Variants in CYP4F8 observed in about 807,000 individuals in gnomAD.
CYP4F8 encodes cytochrome P450 family 4 subfamily F member 8.
CYP4F8 carries 56 observed loss-of-function variants against 55.0 expected under a neutral mutation model. The ratio of observed to expected loss-of-function variants is 1.02; its 90% CI spans 0.82 to 1.27. The LOEUF is 1.27. Ranked by LOEUF, CYP4F8 falls within the 50% of genes most tolerant of loss-of-function variation. CYP4F8 has a pLI of 0.00. For missense variants in CYP4F8, 680 were observed against 682.4 expected, an observed-to-expected ratio of 1.00 and a Z score of 0.04; for synonymous variants, 288 against 267.3, an observed-to-expected ratio of 1.08 and a Z score of -0.76.
rs1972210018 is a variant in CYP4F8, at chr19:15,622,688, A to C, written c.647+348A>C. 6 of 366,942 alleles carry C rather than the reference A, an allele frequency of 1.6e-5. No homozygotes were observed. The East Asian group carries it at 4.1e-4, about 25-fold the overall frequency. The allele number at this position is 366,942 out of a possible 1,614,324, so 22.7% of individuals were successfully genotyped here. A position where few individuals can be genotyped will look rare whatever the true frequency, so the allele number is the denominator to read the frequency against. ...AGATGCATTTTATCCAAGGTTCCTA[A>C]GGAGCCATGGAGGTGTTTGAGCAGA... is the stretch of plus-strand genomic sequence containing the variant. On this transcript the variant is annotated intron_variant, in intron 6 of 12. Coordinates refer to ENST00000612078, the MANE Select transcript of CYP4F8 (RefSeq NM_007253.4).
At chr19:15,619,332 GC>G (rs1568382269) in intron 3 of CYP4F8, 157 bp from the exon 4 acceptor site, 6 of 735,842 alleles carry the variant, frequency 8.2e-6, no homozygotes, top group South Asian at 3.7e-5. Flanking sequence ...TCCCCTTTAT[GC>G]CCCCCACCCT....
intron 1 of CYP4F8, 150 bp from the exon 2 acceptor site, chr19:15,615,466 C>G: frequency 7.4e-6 from 6 of 814,872 alleles, no homozygotes; most frequent in Non-Finnish European, 1.1e-5. Context: ...TGTGTCACTT[C>G]TCCTCTCCCC....
At position 15,628,434 on chromosome 19, in the gene CYP4F8, A is replaced by C; in HGVS notation, c.1248A>C (p.Lys416Asn). ...TCCCAGACAGCCGAGTCATCCCCAA[A>C]GGTGCCCTCCATGGCAGGGGAGGAG... is the stretch of plus-strand genomic sequence containing the variant. ...VVLPDSRVIP[K>N]GNVCNINIFA... The change falls in exon 10 of 13, where the codon AAA (lysine) becomes AAC (asparagine). Residue 416 changes from lysine to asparagine, a missense_variant and splice_region_variant. By Grantham distance (94) the Lys-to-Asn change is moderately conservative (BLOSUM62 0). Transcript: ENST00000612078. 1 of 1,613,970 alleles carries C rather than the reference A, an allele frequency of 6.2e-7. No homozygotes were observed. Among genetic ancestry groups the C allele is most frequent in the Non-Finnish European group, 8.5e-7 (1 of 1,179,942 alleles).
chr19:15,619,631 C>T lies in CYP4F8; in HGVS notation c.398-4C>T. Reference sequence around the variant, plus strand: ...TTGCCCACAGCCTTTGGCTGCCGTACTAGGGGATGGGCTCTTGTTAAGTGT... The same window carrying T: ...TTGCCCACAGCCTTTGGCTGCCGTATTAGGGGATGGGCTCTTGTTAAGTGT... On this transcript the variant is annotated splice_region_variant and splice_polypyrimidine_tract_variant and intron_variant, in intron 4 of 12. Coordinates refer to ENST00000612078, the MANE Select transcript of CYP4F8 (RefSeq NM_007253.4). The T allele has an allele frequency of 6.2e-7, 1 of 1,614,246 alleles. No individual in the cohort carries two copies. The highest frequency in any genetic ancestry group is 8.5e-7 in the Non-Finnish European group (1 of 1,180,032).
intron 9 of CYP4F8, 76 bp downstream of exon 9, chr19:15,624,170 G>A: frequency 6.4e-7 from 1 of 1,565,494 alleles, no homozygotes; most frequent in Non-Finnish European, 8.7e-7. Context: ...CCAGGTGGGG[G>A]AAAAGGGGAG....
At position 15,622,297 on chromosome 19, in the gene CYP4F8, A is replaced by G; in HGVS notation, c.604A>G (p.Ser202Gly). The change falls in exon 6 of 13, where the codon AGT becomes GGT. Residue 202 changes from serine (S) to glycine (G), a missense_variant. Physicochemically the swap from Ser to Gly is moderately conservative, Grantham distance 56 (BLOSUM62 0). Transcript: ENST00000612078. ...FEHISLMTLD[S>G]LQKCIFSFDS... is the part of the protein sequence containing the mutation. ...GCACATCAGCCTTATGACCCTGGAC[A>G]GTCTGCAGAAATGCATCTTCAGCTT... The G allele has an allele frequency of 3.1e-6, 5 of 1,587,412 alleles. No individual in the cohort carries two copies. Among genetic ancestry groups the G allele is most frequent in the Non-Finnish European group, 4.3e-6 (5 of 1,163,830 alleles).
At position 15,629,634 on chromosome 19, in the gene CYP4F8, C is replaced by A. The variant is rs533150605; in HGVS notation, c.*276C>A. 116 of 389,806 alleles carry A rather than the reference C, an allele frequency of 3.0e-4. No homozygotes were observed. Among genetic ancestry groups the A allele is most frequent in the African/African-American group, 1.6e-3 (79 of 48,488 alleles). The allele number at this position is 389,806 out of a possible 1,614,324, so 24.1% of individuals were successfully genotyped here. On this transcript the variant is annotated 3_prime_UTR_variant, in exon 13 of 13. Coordinates refer to ENST00000612078, the MANE Select transcript of CYP4F8 (RefSeq NM_007253.4). ...AGTCTAAGTAAAGACTTTTTCCCCCCCAAAATAATTGTGTATTCTGATATA... is the reference window on the plus strand; with the variant it reads ...AGTCTAAGTAAAGACTTTTTCCCCCACAAAATAATTGTGTATTCTGATATA...
At position 15,628,252 on chromosome 19, in the gene CYP4F8, A is replaced by C. The variant is rs776868201; in HGVS notation, c.1116-50A>C. On this transcript the variant is annotated intron_variant, in intron 9 of 12. Coordinates refer to ENST00000612078, the MANE Select transcript of CYP4F8 (RefSeq NM_007253.4). Reference sequence around the variant, plus strand: ...AGGTGGTGAGAGGGTCTCCAGGGGCAGCAGGAGGGCCGTGTATGCTCTCTG... The same window carrying C: ...AGGTGGTGAGAGGGTCTCCAGGGGCCGCAGGAGGGCCGTGTATGCTCTCTG... 6 of 1,611,836 alleles carry C rather than the reference A, an allele frequency of 3.7e-6. No individual in the cohort carries two copies. The South Asian group carries it at 6.6e-5, about 18-fold the overall frequency.
chr19:15,629,950 A>T lies in CYP4F8; in HGVS notation c.*592A>T, dbSNP rs1972315109. 1 of 150,842 alleles carries T rather than the reference A, an allele frequency of 6.6e-6. No individual in the cohort carries two copies. Among genetic ancestry groups the T allele is most frequent in the Non-Finnish European group, 1.5e-5 (1 of 67,882 alleles). The allele number at this position is 150,842 out of a possible 1,614,324, so 9.3% of individuals were successfully genotyped here. A position where few individuals can be genotyped will look rare whatever the true frequency, so the allele number is the denominator to read the frequency against. On this transcript the variant is annotated 3_prime_UTR_variant, in exon 13 of 13. Transcript: ENST00000612078. ...GGCCGGAGTGCAGTGGCTCACTGCA[A>T]CCTCCACCTCCTGGGTTCAAGTGAT... is the stretch of plus-strand genomic sequence containing the variant.
intron 9 of CYP4F8, chr19:15,627,642 C>T (rs1391860564): frequency 6.6e-6 from 1 of 152,178 alleles, no homozygotes; most frequent in African/African-American, 2.4e-5. Flanking sequence ...GTCATCCCAC[C>T]CTACAGTGTG....
intron 5 of CYP4F8, 49 bp from the exon 6 acceptor site, chr19:15,622,170 C>G (rs1972201935): frequency 3.8e-6 from 6 of 1,579,118 alleles, no homozygotes; most frequent in Non-Finnish European, 3.4e-6. Flanking sequence ...TGCAGGGGGA[C>G]TCAGAGGAGC....
chr19:15,624,536 T>C (rs550437776), intron 9 of CYP4F8, among the ~76,000 whole-genome samples: 1 of 152,356 alleles, frequency 6.6e-6, no homozygotes, highest in African/African-American at 2.4e-5. Context: ...ACATGATGTG[T>C]TGAATATCGG....
At chr19:15,617,482 A>ACATC (rs976024542) in intron 2 of CYP4F8, among the ~76,000 whole-genome samples, 20 of 138,052 alleles carry the variant, frequency 1.4e-4, no homozygotes, top group Non-Finnish European at 2.7e-4. Flanking sequence ...ATCAATATCT[A>ACATC]CATCTATCTA....
intron 9 of CYP4F8, among the ~76,000 whole-genome samples, chr19:15,624,960 T>C (rs1190435601): frequency 6.6e-6 from 1 of 152,156 alleles, no homozygotes; most frequent in Non-Finnish European, 1.5e-5. Context: ...CTTTTTTCTG[T>C]TATGCAAAAT....
intron 5 of CYP4F8, among the ~76,000 whole-genome samples, chr19:15,621,280 G>C (rs757294374): frequency 2.6e-5 from 4 of 152,162 alleles, no homozygotes; most frequent in Non-Finnish European, 4.4e-5. Flanking sequence ...GGTGGCTCAT[G>C]CTTGTAATCC....
At chr19:15,619,458 C>G in intron 3 of CYP4F8, 32 bp from the exon 4 acceptor site, 1 of 1,613,638 alleles carries the variant, frequency 6.2e-7, no homozygotes, top group Non-Finnish European at 8.5e-7. Flanking sequence ...CTATTCCTCT[C>G]CATGGACCCT....
chr19:15,623,479 A>G, intron 7 of CYP4F8, 104 bp downstream of exon 7: 1 of 1,511,374 alleles, frequency 6.6e-7, no homozygotes, highest in Non-Finnish European at 8.9e-7. Context: ...GGAGCCATGG[A>G]AGGTGCTCGA....
intron 9 of CYP4F8, among the ~76,000 whole-genome samples, chr19:15,624,980 C>T (rs1269425805): frequency 2.0e-5 from 3 of 151,926 alleles, no homozygotes; most frequent in Non-Finnish European, 2.9e-5. Flanking sequence ...TGTTGCCTCG[C>T]ATTGTCTTGG....
chr19:15,622,393 TGGG>T, intron 6 of CYP4F8, 53 bp downstream of exon 6: 1 of 889,910 alleles, frequency 1.1e-6, no homozygotes, highest in Non-Finnish European at 1.7e-6. Flanking sequence ...GGTGTGGGTG[TGGG>T]GAGAGCAAAG....
Sources: allele counts gnomAD v4.1 joint callset (sites outside exome capture counted in the v4.1 genomes callset), GRCh38; gene constraint gnomAD v4.1.1; transcripts MANE v1.5; gene names NCBI Gene and HGNC (gene_info 2026-07-23, HGNC 2026-07-21).